MGST1: variants seen among roughly 807,000 people sequenced by gnomAD.
MGST1 encodes microsomal glutathione S-transferase 1, also known as glutathione S-transferase 12.
A neutral mutation model predicts 8.9 loss-of-function variants in MGST1; 5 were observed. That is an observed-to-expected ratio of 0.56 (90% CI 0.29 to 1.19). The LOEUF (loss-of-function observed/expected upper bound fraction) is 1.19. MGST1 is among the 50% of genes most tolerant of loss of function. The pLI, the probability that MGST1 is intolerant of heterozygous loss-of-function variation, is 0.08. For synonymous variants in MGST1, 54 were observed against 67.8 expected (o/e 0.80, Z 1.00); for missense variants, 182 against 187.4 (o/e 0.97, Z 0.17).
chr12:16,423,692 A>C (rs906220686), intron 1 of MGST1, among the ~76,000 whole-genome samples: 3 of 152,192 alleles, frequency 2.0e-5, no homozygotes, highest in Non-Finnish European at 4.4e-5. Flanking sequence ...GTTACTCAGC[A>C]TACATACTCC....
chr12:16,517,321 T>A lies in MGST1; in HGVS notation n.483-72207T>A, dbSNP rs1479987560. Among the ~76,000 whole-genome samples, 1 of 152,220 alleles carries A rather than the reference T, an allele frequency of 6.6e-6. No homozygotes were observed. Among genetic ancestry groups the A allele is most frequent in the Non-Finnish European group, 1.5e-5 (1 of 68,046 alleles). Reference sequence around the variant, plus strand: ...GAAGCTTTAAAAGGTGATTAAGTCATAAGTTCTCTCCCCTTATGAATAGAA... The same window carrying A: ...GAAGCTTTAAAAGGTGATTAAGTCAAAAGTTCTCTCCCCTTATGAATAGAA... On this transcript the variant is annotated intron_variant and non_coding_transcript_variant, in intron 4 of 4. Coordinates refer to the MGST1 transcript ENST00000538857. The surrounding 1 kb of genome is among the most constrained non-coding windows in gnomAD (Gnocchi z 4.2).
intron 1 of MGST1, among the ~76,000 whole-genome samples, chr12:16,426,703 G>C (rs1479167055): frequency 2.0e-5 from 3 of 152,128 alleles, no homozygotes; most frequent in African/African-American, 7.2e-5. Flanking sequence ...TGTAATCCCA[G>C]CGCTTTGGGA....
chr12:16,453,317 A>T (rs185378252), intron 4 of MGST1, among the ~76,000 whole-genome samples: 1 of 151,944 alleles, frequency 6.6e-6, no homozygotes. Flanking sequence ...GCTTTTCCTT[A>T]ACATTTATTC....
At position 16,548,325 on chromosome 12, in the gene MGST1, T is replaced by A. The variant is rs1941864298; in HGVS notation, n.483-41203T>A. On this transcript the variant is annotated intron_variant and non_coding_transcript_variant, in intron 4 of 4. Transcript: ENST00000538857. The surrounding 1 kb of genome is among the most constrained non-coding windows in gnomAD (Gnocchi z 4.2). ...TTTTTCTTTTCATGGACTTAACATA[T>A]GCTTTCTAGAGATCATCTTAAATTT... 1 of 150,396 alleles carries A rather than the reference T, an allele frequency of 6.6e-6. No individual in the cohort carries two copies. Among genetic ancestry groups the A allele is most frequent in the African/African-American group, 2.4e-5 (1 of 41,150 alleles). The allele number at this position is 150,396 out of a possible 1,614,324, so 9.3% of individuals were successfully genotyped here. A position where few individuals can be genotyped will look rare whatever the true frequency, so the allele number is the denominator to read the frequency against.
rs948026437 is a variant in MGST1, at chr12:16,586,664, C to T, written n.483-2864C>T. On this transcript the variant is annotated intron_variant and non_coding_transcript_variant, in intron 4 of 4. Coordinates refer to the MGST1 transcript ENST00000538857. The surrounding 1 kb of genome is among the most constrained non-coding windows in gnomAD (Gnocchi z 4.3). ...CTAGGATGTGGCAATAAGGCTATAC[C>T]GTCGGGGTAGAGATTTCAAGATACA... 6.6e-5 allele frequency among the ~76,000 whole-genome samples: 10 copies of T among 152,228 alleles called. No homozygotes were observed. Among genetic ancestry groups the T allele is most frequent in the African/African-American group, 9.6e-5 (4 of 41,540 alleles).
At chr12:16,422,270 T>C (rs896097944) in intron 1 of MGST1, among the ~76,000 whole-genome samples, 2 of 152,170 alleles carry the variant, frequency 1.3e-5, no homozygotes, top group Admixed American at 1.3e-4. Flanking sequence ...CATCTATCTA[T>C]ATATATTTAT....
intron 4 of MGST1, among the ~76,000 whole-genome samples, chr12:16,519,093 T>A (rs1941632958): frequency 3.9e-5 from 6 of 152,228 alleles, no homozygotes; most frequent in Admixed American, 3.3e-4. Flanking sequence ...GAGCTGGGTT[T>A]GCATTCCGCT....
downstream of MGST1, among the ~76,000 whole-genome samples, chr12:16,377,396 G>GT (rs1279912813): frequency 6.7e-6 from 1 of 148,368 alleles, no homozygotes; most frequent in Non-Finnish European, 1.5e-5. Context: ...AACATATGGT[G>GT]TTTCGTTTTT....
chr12:16,488,017 A>G (rs1306107076), intron 4 of MGST1, among the ~76,000 whole-genome samples: 1 of 152,172 alleles, frequency 6.6e-6, no homozygotes, highest in Non-Finnish European at 1.5e-5. Flanking sequence ...TGAAATATAT[A>G]TTTTATTGCT....
rs959011599 is a variant in MGST1 at position 16,503,502 on chromosome 12, AG to A, written n.483-86024del. ...TTTCCCTTTAACTGCCTTTGTTATT[AG>A]GATGAAGGATAAAGGACATGAACAT... On this transcript the variant is annotated intron_variant and non_coding_transcript_variant, in intron 4 of 4. Coordinates refer to the MGST1 transcript ENST00000538857. The surrounding 1 kb of genome is among the most constrained non-coding windows in gnomAD (Gnocchi z 4.8). Among the ~76,000 whole-genome samples the A allele has an allele frequency of 6.6e-6, 1 of 152,180 alleles. No homozygotes were observed. Among genetic ancestry groups the A allele is most frequent in the Non-Finnish European group, 1.5e-5 (1 of 68,024 alleles).
chr12:16,411,500 C>T (rs1940742291), intron 1 of MGST1, among the ~76,000 whole-genome samples: 1 of 152,016 alleles, frequency 6.6e-6, no homozygotes. Flanking sequence ...GGTCAGAGAT[C>T]TCACATTCTT....
chr12:16,400,999 T>G, intron 1 of MGST1: 2 of 1,519,370 alleles, frequency 1.3e-6, no homozygotes, highest in Non-Finnish European at 1.8e-6. Flanking sequence ...TTTGATGTGC[T>G]CTTCACTTCT....
chr12:16,354,146 CT>C (rs1939600400), intron 1 of MGST1, 84 bp from the exon 2 acceptor site: 1 of 937,418 alleles, frequency 1.1e-6, no homozygotes. Flanking sequence ...ATAATTAATG[CT>C]GCAATATAAG....
At chr12:16,365,544 A>G (rs1940169709), downstream of MGST1, among the ~76,000 whole-genome samples, 1 of 152,228 alleles carries the variant, frequency 6.6e-6, no homozygotes, top group South Asian at 2.1e-4. Flanking sequence ...AAAACCTATT[A>G]GACAATTGAC....
chr12:16,407,106 C>T (rs1283726809), intron 1 of MGST1, among the ~76,000 whole-genome samples: 1 of 152,112 alleles, frequency 6.6e-6, no homozygotes, highest in Admixed American at 6.6e-5. Flanking sequence ...AAGAAACTAT[C>T]AACAGAGTGA....
At chr12:16,578,475 C>G (rs1444915225) in intron 4 of MGST1, among the ~76,000 whole-genome samples, 1 of 151,994 alleles carries the variant, frequency 6.6e-6, no homozygotes, top group African/African-American at 2.4e-5. Context: ...TCAGGCTGGC[C>G]CATGCTCAGG....
rs1940659410 is a variant in MGST1 at position 16,401,948 on chromosome 12, G to A, written n.778+18344G>A. ...CTGCACTGATATCTATTTTGTCAAA[G>A]CCTTCTTTGTTGAGGCAGTCATTCC... On this transcript the variant is annotated intron_variant and non_coding_transcript_variant, in intron 1 of 1. Coordinates refer to the MGST1 transcript ENST00000359720. The surrounding 1 kb of genome is among the most constrained non-coding windows in gnomAD (Gnocchi z 4.3). The A allele has an allele frequency of 1.9e-6, 3 of 1,612,088 alleles. No homozygotes were observed. In the Admixed American group the frequency reaches 5.0e-5, roughly 27 times the overall value.
chr12:16,357,998 A>T (rs1430322470), intron 3 of MGST1, among the ~76,000 whole-genome samples: 1 of 152,158 alleles, frequency 6.6e-6, no homozygotes, highest in Non-Finnish European at 1.5e-5. Flanking sequence ...AGATTCTTGG[A>T]GTTTTATCGT....
Position 16,559,915 on chromosome 12 carries a change from G to A in MGST1, n.483-29613G>A, listed in dbSNP as rs925661071. Among the ~76,000 whole-genome samples the A allele has an allele frequency of 6.6e-6, 1 of 152,042 alleles. No homozygotes were observed. The highest frequency in any genetic ancestry group is 1.5e-5 in the Non-Finnish European group (1 of 67,998). Reference sequence around the variant, plus strand: ...AGTTGAGGCTGCATGAGCCATGTTAGTGCCACTGCGCTCTAGGCTGGGTGA... The same window carrying A: ...AGTTGAGGCTGCATGAGCCATGTTAATGCCACTGCGCTCTAGGCTGGGTGA... On this transcript the variant is annotated intron_variant and non_coding_transcript_variant, in intron 4 of 4. Coordinates refer to the MGST1 transcript ENST00000538857. The surrounding 1 kb of genome is among the most constrained non-coding windows in gnomAD (Gnocchi z 4.1).
Sources: allele counts gnomAD v4.1 joint callset (sites outside exome capture counted in the v4.1 genomes callset), GRCh38; gene constraint gnomAD v4.1.1; non-coding constraint Gnocchi (gnomAD v3.1); transcripts MANE v1.5; gene names NCBI Gene and HGNC (gene_info 2026-07-23, HGNC 2026-07-21).